Variants in AFF4 observed in about 807,000 individuals in gnomAD.
AFF4 encodes ALF transcription elongation factor 4, also known as AF4/FMR2 family member 4.
AFF4 carries 13 observed loss-of-function variants against 124.8 expected under a neutral mutation model. The observed-to-expected ratio is 0.10, with a 90% confidence interval of 0.07 to 0.17. The LOEUF (loss-of-function observed/expected upper bound fraction) is 0.17, where lower values mean the gene tolerates loss of function less well. Ranked by LOEUF, AFF4 falls within the 10% of genes least tolerant of loss-of-function variation. The probability of loss-of-function intolerance (pLI) is 1.00; values close to 1 mark genes in which losing one functional copy is unlikely to be tolerated. For synonymous variants in AFF4, 477 were observed against 496.1 expected, an observed-to-expected ratio of 0.96 and a Z score of 0.51; for missense variants, 1,092 against 1,403.8, an observed-to-expected ratio of 0.78 and a Z score of 3.55.
At chr5:132,916,859 G>C (rs1415047305) in intron 5 of AFF4, among the ~76,000 whole-genome samples, 1 of 152,046 alleles carries the variant, frequency 6.6e-6, no homozygotes, top group Non-Finnish European at 1.5e-5. Context: ...TCATGACCAA[G>C]TAGAGTTTAC....
chr5:132,922,473 A>G (rs67414627), intron 5 of AFF4, among the ~76,000 whole-genome samples: 17,546 of 152,170 alleles, frequency 0.12, 1,286 homozygotes, highest in South Asian at 0.2. Context: ...TATTCACATC[A>G]GCTTTATTTT....
intron 5 of AFF4, among the ~76,000 whole-genome samples, chr5:132,920,356 A>ATTTT (rs71581351): frequency 3.2e-5 from 4 of 125,818 alleles, no homozygotes; most frequent in Non-Finnish European, 5.1e-5. Context: ...GCGGGCAAAC[A>ATTTT]TTTTTTTTTT....
chr5:132,911,846 C>A (rs1390419732), intron 5 of AFF4, among the ~76,000 whole-genome samples: 3 of 146,450 alleles, frequency 2.0e-5, no homozygotes, highest in Non-Finnish European at 1.5e-5. Context: ...TTAAAGACCG[C>A]CAAAAAAAAA....
chr5:132,939,557 G>A (rs1181790239), intron 1 of AFF4, among the ~76,000 whole-genome samples: 1 of 152,216 alleles, frequency 6.6e-6, no homozygotes, highest in Non-Finnish European at 1.5e-5. Context: ...GAGAGACTAA[G>A]GAATATGTTA....
intron 2 of AFF4, among the ~76,000 whole-genome samples, chr5:132,936,266 CAAAAA>C (rs747936348): frequency 4.4e-5 from 2 of 45,458 alleles, no homozygotes; most frequent in African/African-American, 1.8e-4. Flanking sequence ...GACTCCGTCT[CAAAAA>C]AAAAAAAAAA....
At chr5:132,918,581 G>A (rs375290936) in intron 5 of AFF4, among the ~76,000 whole-genome samples, 5 of 150,956 alleles carry the variant, frequency 3.3e-5, no homozygotes, top group Non-Finnish European at 5.9e-5. Context: ...AGAATCGCTC[G>A]AACCCAGGAG....
intron 5 of AFF4, among the ~76,000 whole-genome samples, chr5:132,915,920 A>G (rs1038284646): frequency 7.2e-5 from 11 of 151,838 alleles, no homozygotes; most frequent in African/African-American, 2.7e-4. Flanking sequence ...TTGTTCCTAT[A>G]GATAGAATTT....
rs777846570 is a variant in AFF4 at position 132,883,335 on chromosome 5, C to T, written c.3364+5G>A. On this transcript the variant is annotated splice_donor_5th_base_variant and intron_variant, in intron 20 of 20. Transcript: ENST00000265343. ...CCCTTGAAGTTTATCCAGAAACCTA[C>T]CTACCTTTTTGCTCTTTGGAAAGCT... The T allele has an allele frequency of 2.5e-6, 4 of 1,613,400 alleles. No individual in the cohort carries two copies. The highest frequency in any genetic ancestry group is 4.5e-5 in the East Asian group (2 of 44,906).
intron 5 of AFF4, among the ~76,000 whole-genome samples, chr5:132,912,191 A>C (rs949599625): frequency 6.6e-6 from 1 of 151,234 alleles, no homozygotes; most frequent in African/African-American, 2.4e-5. Flanking sequence ...AAAAAAAAAA[A>C]ACATTTAGCA....
chr5:132,905,567 G>T (rs1760654904), intron 5 of AFF4, among the ~76,000 whole-genome samples: 1 of 152,168 alleles, frequency 6.6e-6, no homozygotes, highest in African/African-American at 2.4e-5. Context: ...ATATGGGAAA[G>T]AATAGTCTTT....
chr5:132,910,685 A>C (rs1013463856), intron 5 of AFF4, among the ~76,000 whole-genome samples: 1 of 152,210 alleles, frequency 6.6e-6, no homozygotes, highest in African/African-American at 2.4e-5. Context: ...GGTGTCTCAC[A>C]AACACCAAAA....
chr5:132,938,546 T>C (rs890682938), intron 1 of AFF4, among the ~76,000 whole-genome samples: 1 of 151,746 alleles, frequency 6.6e-6, no homozygotes, highest in African/African-American at 2.4e-5. Context: ...ATTACAGGCA[T>C]GAGAGCAACC....
At chr5:132,906,446 ACT>A (rs1259434187) in intron 5 of AFF4, among the ~76,000 whole-genome samples, 2 of 152,224 alleles carry the variant, frequency 1.3e-5, no homozygotes, top group Admixed American at 6.5e-5. Flanking sequence ...GGAATGAAGT[ACT>A]GTTACATGCT....
intron 6 of AFF4, among the ~76,000 whole-genome samples, chr5:132,903,450 T>A (rs563971635): frequency 6.6e-6 from 1 of 152,288 alleles, no homozygotes; most frequent in Non-Finnish European, 1.5e-5. Context: ...AAGTTACTGC[T>A]CTTGGCAAAA....
At chr5:132,919,552 T>TA (rs1282852977) in intron 5 of AFF4, among the ~76,000 whole-genome samples, 1 of 152,044 alleles carries the variant, frequency 6.6e-6, no homozygotes, top group South Asian at 2.1e-4. Flanking sequence ...CCTAAAACTA[T>TA]AAAAAAACTA....
rs1040257663 is a variant in AFF4 at position 132,887,997 on chromosome 5, A to C, written c.2797-15T>G. On this transcript the variant is annotated splice_polypyrimidine_tract_variant and intron_variant, in intron 15 of 20. Transcript: ENST00000265343. ...AACCTATCAGACTGAAGAAAGGAGA[A>C]TGCAAGTAATGAGTAATGATCTACT... The C allele has an allele frequency of 1.2e-6, 2 of 1,612,610 alleles. No individual in the cohort carries two copies. Among genetic ancestry groups the C allele is most frequent in the East Asian group, 2.2e-5 (1 of 44,816 alleles).
At chr5:132,924,162 G>A (rs1480511834) in intron 5 of AFF4, among the ~76,000 whole-genome samples, 1 of 152,118 alleles carries the variant, frequency 6.6e-6, no homozygotes, top group Non-Finnish European at 1.5e-5. Context: ...GCTGAGGCAG[G>A]AGAATCGCTT....
chr5:132,882,120 C>T (rs563245042), intron 20 of AFF4, among the ~76,000 whole-genome samples: 5 of 150,112 alleles, frequency 3.3e-5, no homozygotes, highest in East Asian at 3.9e-4. Context: ...GGCTGAGGCA[C>T]GAGGATCACT....
intron 13 of AFF4, among the ~76,000 whole-genome samples, chr5:132,890,804 A>G (rs1371587390): frequency 6.6e-6 from 1 of 152,104 alleles, no homozygotes; most frequent in Non-Finnish European, 1.5e-5. Context: ...GATCCAACAA[A>G]TATTTCCTCA....
Sources: gnomAD v4.1 joint callset for allele counts (sites outside exome capture counted in the v4.1 genomes callset) on GRCh38, gnomAD v4.1.1 for gene constraint, MANE v1.5 for transcripts, NCBI Gene and HGNC (gene_info 2026-07-23, HGNC 2026-07-21) for gene names.